Variants in PRKD1 observed in about 807,000 individuals in gnomAD.
The protein encoded by PRKD1 is protein kinase D1.
In PRKD1, 63 loss-of-function variants were observed where a neutral mutation model predicts 95.9. The ratio of observed to expected loss-of-function variants is 0.66; its 90% CI spans 0.54 to 0.81. The LOEUF is 0.81. Among genes scored for constraint, PRKD1 ranks in the 30% least tolerant of loss-of-function variants. PRKD1 has a pLI of 0.00. For missense variants in PRKD1, 1,048 were observed against 1,165.3 expected, an observed-to-expected ratio of 0.90 and a Z score of 1.47; for synonymous variants, 425 against 423.1, an observed-to-expected ratio of 1.00 and a Z score of -0.05.
chr14:29,752,787 C>T (rs1887538529), intron 1 of PRKD1, among the ~76,000 whole-genome samples: 1 of 152,016 alleles, frequency 6.6e-6, no homozygotes, highest in African/African-American at 2.4e-5. Context: ...GCCTACGGTA[C>T]ATAAAAAAAG....
chr14:29,776,617 A>C (rs1306735270), intron 1 of PRKD1, among the ~76,000 whole-genome samples: 1 of 152,232 alleles, frequency 6.6e-6, no homozygotes, highest in Non-Finnish European at 1.5e-5. Flanking sequence ...AGAAATGAAT[A>C]AAGCGTCCAA....
intron 1 of PRKD1, among the ~76,000 whole-genome samples, chr14:29,768,623 C>T (rs1294721733): frequency 6.6e-6 from 1 of 151,838 alleles, no homozygotes; most frequent in Non-Finnish European, 1.5e-5. Flanking sequence ...TCATTGCCTA[C>T]GAGTTCACCC....
At chr14:29,896,415 G>T (rs1894128593) in intron 1 of PRKD1, among the ~76,000 whole-genome samples, 2 of 151,872 alleles carry the variant, frequency 1.3e-5, no homozygotes, top group Admixed American at 1.3e-4. Context: ...TTAAATGAAG[G>T]TTTATTTTTC....
intron 2 of PRKD1, among the ~76,000 whole-genome samples, chr14:29,681,002 T>C (rs1206154576): frequency 6.6e-6 from 1 of 152,176 alleles, no homozygotes; most frequent in African/African-American, 2.4e-5. Flanking sequence ...TTTTTTACCA[T>C]CTGGTTAGTT....
At chr14:29,858,908 T>C (rs1892605444) in intron 1 of PRKD1, among the ~76,000 whole-genome samples, 1 of 152,182 alleles carries the variant, frequency 6.6e-6, no homozygotes, top group Admixed American at 6.5e-5. Context: ...TGTAAGTCAC[T>C]TCCCCTGGCA....
intron 1 of PRKD1, among the ~76,000 whole-genome samples, chr14:29,752,964 T>C (rs1887545061): frequency 6.6e-6 from 1 of 151,960 alleles, no homozygotes; most frequent in Non-Finnish European, 1.5e-5. Flanking sequence ...GTGTGGGAGG[T>C]GTGCAGGATA....
chr14:29,601,476 G>A (rs965291249), intron 13 of PRKD1, among the ~76,000 whole-genome samples: 1 of 152,128 alleles, frequency 6.6e-6, no homozygotes, highest in Non-Finnish European at 1.5e-5. Flanking sequence ...ACCTCTAAAG[G>A]GCTAGAGTCA....
intron 2 of PRKD1, among the ~76,000 whole-genome samples, chr14:29,723,316 C>A (rs1453614351): frequency 6.6e-6 from 1 of 152,148 alleles, no homozygotes; most frequent in African/African-American, 2.4e-5. Context: ...TATCACTCAA[C>A]TCCTCAACTA....
chr14:29,665,104 A>C (rs1882410975), intron 3 of PRKD1, among the ~76,000 whole-genome samples: 1 of 152,212 alleles, frequency 6.6e-6, no homozygotes, highest in African/African-American at 2.4e-5. Flanking sequence ...AGGAAACTTA[A>C]AGAAATGAAC....
At chr14:29,871,985 C>CAT (rs1893124823) in intron 1 of PRKD1, among the ~76,000 whole-genome samples, 1 of 152,166 alleles carries the variant, frequency 6.6e-6, no homozygotes, top group Admixed American at 6.5e-5. Context: ...GATTCACCTG[C>CAT]ATATATGGAA....
At chr14:29,698,037 T>C (rs1046663796) in intron 2 of PRKD1, among the ~76,000 whole-genome samples, 1 of 152,186 alleles carries the variant, frequency 6.6e-6, no homozygotes, top group Non-Finnish European at 1.5e-5. Flanking sequence ...GATTACATCT[T>C]ATCTTTCAAA....
chr14:29,630,878 G>A lies in PRKD1; in HGVS notation c.1536C>T (p.Ser512=). The change falls in exon 10 of 18, where the codon AGC becomes AGT. Residue 512 remains serine (S), a synonymous_variant. Transcript: ENST00000331968. ...YVGENVVNPS[S]PSPNNSVLTS... ...TGAGAACACTGTTATTTGGTGATGG[G>A]CTGGAAGGATTGACCACATTTTCTC... The A allele has an allele frequency of 6.2e-7, 1 of 1,614,114 alleles. No homozygotes were observed. Among genetic ancestry groups the A allele is most frequent in the Non-Finnish European group, 8.5e-7 (1 of 1,180,010 alleles).
At chr14:29,645,260 C>T (rs1000564871) in intron 4 of PRKD1, among the ~76,000 whole-genome samples, 2 of 151,936 alleles carry the variant, frequency 1.3e-5, no homozygotes, top group Admixed American at 6.6e-5. Flanking sequence ...TATCATGAAC[C>T]CCTTAACCTT....
At chr14:29,633,178 A>G (rs1880142184) in intron 8 of PRKD1, among the ~76,000 whole-genome samples, 1 of 152,214 alleles carries the variant, frequency 6.6e-6, no homozygotes, top group Admixed American at 6.5e-5. Flanking sequence ...AAGAAGATGA[A>G]GTATTAGCGC....
rs1403565341 is a variant in PRKD1 at position 29,577,433 on chromosome 14, C to T, written c.2544G>A (p.Leu848=). Residue 848 remains leucine (L), a synonymous_variant, in exon 18 of 18, where the codon TTG becomes TTA. Transcript: ENST00000331968. ...WLQDYQTWLD[L]RELECKIGER... ...CCCCGATTTTGCATTCCAGCTCTCG[C>T]AAATCTAACCAGGTCTGATAGTCCT... 1 of 1,613,602 alleles carries T rather than the reference C, an allele frequency of 6.2e-7. No individual in the cohort carries two copies. The highest frequency in any genetic ancestry group is 1.3e-5 in the African/African-American group (1 of 74,872).
At chr14:29,669,291 T>C in intron 2 of PRKD1, among the ~76,000 whole-genome samples, 1 of 152,212 alleles carries the variant, frequency 6.6e-6, no homozygotes, top group Admixed American at 6.5e-5. Flanking sequence ...CATTGGTTTT[T>C]CAACTTTTAC....
chr14:29,829,185 G>C (rs1186462958), intron 1 of PRKD1, among the ~76,000 whole-genome samples: 1 of 152,158 alleles, frequency 6.6e-6, no homozygotes, highest in Non-Finnish European at 1.5e-5. Context: ...TGTCTTTCTA[G>C]CTGAGACCCA....
chr14:29,708,745 C>T (rs886972922), intron 2 of PRKD1, among the ~76,000 whole-genome samples: 1 of 151,980 alleles, frequency 6.6e-6, no homozygotes, highest in Admixed American at 6.6e-5. Context: ...GTCCCAGCTA[C>T]GGAAGTGGGG....
intron 4 of PRKD1, among the ~76,000 whole-genome samples, chr14:29,646,752 G>GAT (rs1566510926): frequency 4.9e-5 from 6 of 122,914 alleles, no homozygotes; most frequent in African/African-American, 1.8e-4. Flanking sequence ...AACAAAAAAC[G>GAT]AAAAAAAAAA....
Sources: gnomAD v4.1 joint callset for allele counts (sites outside exome capture counted in the v4.1 genomes callset) on GRCh38, gnomAD v4.1.1 for gene constraint, MANE v1.5 for transcripts, NCBI Gene and HGNC (gene_info 2026-07-23, HGNC 2026-07-21) for gene names.